The following PLXNB1 variants were observed in gnomAD, a reference collection of about 807,000 sequenced individuals.
The protein encoded by PLXNB1 is plexin B1.
In PLXNB1, 106 loss-of-function variants were observed where a neutral mutation model predicts 209.4. The observed-to-expected ratio is 0.51, with a 90% CI of 0.43 to 0.59. PLXNB1 has a LOEUF of 0.59. Among genes scored for constraint, PLXNB1 ranks in the 20% least tolerant of loss-of-function variants. The pLI is 0.00. For missense variants in PLXNB1, 2,357 were observed against 2,853.2 expected, an observed-to-expected ratio of 0.83 and a Z score of 3.96; for synonymous variants, 1,167 against 1,183.2, an observed-to-expected ratio of 0.99 and a Z score of 0.28.
chr3:48,427,208 T>C (rs1176288328), intron 1 of PLXNB1, among the ~76,000 whole-genome samples: 1 of 150,624 alleles, frequency 6.6e-6, no homozygotes, highest in African/African-American at 2.4e-5. Flanking sequence ...AAAAAAACAC[T>C]GGATGAGGAG....
rs779341593 is a variant in PLXNB1, at chr3:48,410,271, G to A, written c.5605+25C>T. The A allele has an allele frequency of 1.6e-5, 25 of 1,569,554 alleles. No individual in the cohort carries two copies. In the African/African-American group the frequency reaches 2.0e-4, roughly 13 times the overall value. ...CCGGGCTGGGCACAGCAGGGGCAGA[G>A]GACCGTGATGGGAGCGGTACTCACG... On this transcript the variant is annotated intron_variant, in intron 31 of 37. Coordinates refer to ENST00000296440, the MANE Select transcript of PLXNB1 (RefSeq NM_001130082.3). The surrounding 1 kb of genome is among the most constrained non-coding windows in gnomAD (Gnocchi z 6.4).
intron 34 of PLXNB1, among the ~76,000 whole-genome samples, chr3:48,407,541 C>A (rs1325563874): frequency 6.6e-6 from 1 of 152,216 alleles, no homozygotes; most frequent in Non-Finnish European, 1.5e-5. Context: ...CACTTTAACA[C>A]ACCTAGACAC....
intron 1 of PLXNB1, among the ~76,000 whole-genome samples, chr3:48,427,101 G>A (rs1220874150): frequency 6.6e-6 from 1 of 152,126 alleles, no homozygotes; most frequent in African/African-American, 2.4e-5. Context: ...GCCCTCAAGG[G>A]GCAGTAACAA....
In PLXNB1 at chr3:48,422,404, T is replaced by C. The variant is rs749283076; in HGVS notation, c.1346A>G (p.Gln449Arg). 1 of 1,604,678 alleles carries C rather than the reference T, an allele frequency of 6.2e-7. No homozygotes were observed. Among genetic ancestry groups the C allele is most frequent in the South Asian group, 1.1e-5 (1 of 89,334 alleles). ...GAGGTCTCTGCTCACTGCAGACCCC[T>C]GCTGGATGCTCTGTGTGGAGTATGG... ...GHPYSTQSIQ[Q>R]GSAVSRDLTF... Residue 449 changes from glutamine to arginine, a missense_variant, in exon 5 of 38, where the codon CAG becomes CGG. By Grantham distance (43) the Gln-to-Arg change is conservative. This residue lies in a region of PLXNB1 where 404 missense variants were observed against 443.6 expected (regional missense o/e 0.91). Coordinates refer to ENST00000296440, the MANE Select transcript of PLXNB1 (RefSeq NM_001130082.3).
chr3:48,420,856 T>G lies in PLXNB1; in HGVS notation c.1911A>C (p.Pro637=). 6.2e-7 allele frequency: 1 copy of G among 1,613,680 alleles called. No homozygotes were observed. Among genetic ancestry groups the G allele is most frequent in the Non-Finnish European group, 8.5e-7 (1 of 1,179,604 alleles). Residue 637 remains proline (P), a synonymous_variant, in exon 9 of 38, where the codon CCA becomes CCC. Transcript: ENST00000296440. ...YDCVAVTELR[P]SAQCQACVSS... is the part of the protein sequence containing the mutation. ...CAGGGCGAGGAACTCACTGCGCAGA[T>G]GGGCGGAGTTCAGTGACCGCCACAC...
intron 1 of PLXNB1, among the ~76,000 whole-genome samples, chr3:48,427,292 C>T (rs1207669784): frequency 5.9e-5 from 9 of 152,144 alleles, no homozygotes; most frequent in Admixed American, 5.9e-4. Context: ...CTGACCCACT[C>T]CAGGGAAAGT....
At chr3:48,421,634 G>C (rs369252709) in intron 7 of PLXNB1, 40 bp downstream of exon 7, 2 of 1,563,798 alleles carry the variant, frequency 1.3e-6, no homozygotes, top group Non-Finnish European at 1.7e-6. Context: ...TTGATGCCCA[G>C]AGCCCTCCCC....
rs2106813259 is a variant in PLXNB1 at position 48,413,400 on chromosome 3, A to G, written c.4536-231T>C. On this transcript the variant is annotated intron_variant, in intron 23 of 37. Transcript: ENST00000296440. This position sits in a 1 kb window ranked among gnomAD's most constrained non-coding sequence, Gnocchi z 5.4. The stretch of plus-strand genomic sequence containing the variant: ...TTAGCCTAGAGATCAGCCAACCACA[A>G]CCAGGCCAAATCCATCCCACAACCT... 1 of 603,720 alleles carries G rather than the reference A, an allele frequency of 1.7e-6. No homozygotes were observed. Among genetic ancestry groups the G allele is most frequent in the East Asian group, 2.8e-5 (1 of 36,116 alleles). 37.4% of individuals were successfully genotyped at this position (603,720 alleles called of 1,614,324 possible).
rs754565865 is a variant in PLXNB1 at position 48,415,685 on chromosome 3, G to A, written c.3692C>T (p.Ala1231Val). 3.1e-5 allele frequency: 48 copies of A among 1,558,546 alleles called. No individual in the cohort carries two copies. The highest frequency in any genetic ancestry group is 1.1e-4 in the South Asian group (9 of 84,568). ...PRPTPATLPV[A>V]VWFGATERRL... ...CCGCTCCGTGGCCCCAAACCACACAGCCACAGGGAGCGTGGCAGGCGTGGG... is the reference window on the plus strand; with the variant it reads ...CCGCTCCGTGGCCCCAAACCACACAACCACAGGGAGCGTGGCAGGCGTGGG... The change falls in exon 19 of 38, where the codon GCT becomes GTT. Residue 1231 changes from alanine (A) to valine (V), a missense_variant. Physicochemically the swap from Ala to Val is moderately conservative, Grantham distance 64. This residue lies in a region of PLXNB1 where 743 missense variants were observed against 896.2 expected (regional missense o/e 0.83). Coordinates refer to ENST00000296440, the MANE Select transcript of PLXNB1 (RefSeq NM_001130082.3). This position sits in a 1 kb window ranked among gnomAD's most constrained non-coding sequence, Gnocchi z 5.0.
At position 48,404,414 on chromosome 3, in the gene PLXNB1, T is replaced by C. The variant is rs1350293522; in HGVS notation, c.*72A>G. On this transcript the variant is annotated 3_prime_UTR_variant, in exon 38 of 38. Transcript: ENST00000296440. Reference sequence around the variant, plus strand: ...CAGTCACTACAGGCACCTAAGAAGGTGGCCTCTCCTCCGAGCTTCCAGGGC... The same window carrying C: ...CAGTCACTACAGGCACCTAAGAAGGCGGCCTCTCCTCCGAGCTTCCAGGGC... 1.1e-6 allele frequency: 1 copy of C among 892,424 alleles called. No individual in the cohort carries two copies. 55.3% of individuals were successfully genotyped at this position (892,424 alleles called of 1,614,324 possible). A position where few individuals can be genotyped will look rare whatever the true frequency, so the allele number is the denominator to read the frequency against.
rs1231684686 is a variant in PLXNB1 at position 48,415,801 on chromosome 3, G to C, written c.3618-42C>G. On this transcript the variant is annotated intron_variant, in intron 18 of 37. Transcript: ENST00000296440. This position sits in a 1 kb window ranked among gnomAD's most constrained non-coding sequence, Gnocchi z 5.0. ...GAATGAATGCAGGGGCGCAGGCAGG[G>C]AAAACTTGGACCACTCAGGCCCCAA... 1 of 1,516,424 alleles carries C rather than the reference G, an allele frequency of 6.6e-7. No individual in the cohort carries two copies. The highest frequency in any genetic ancestry group is 2.5e-5 in the East Asian group (1 of 40,374). 93.9% of individuals were successfully genotyped at this position (1,516,424 alleles called of 1,614,324 possible).
chr3:48,404,486 C>G lies in PLXNB1; in HGVS notation c.6408G>C (p.Ter2136TyrextTer27). 1.2e-6 allele frequency: 2 copies of G among 1,607,476 alleles called. No individual in the cohort carries two copies. The highest frequency in any genetic ancestry group is 1.7e-6 in the Non-Finnish European group (2 of 1,174,364). Residue 2136 changes from the stop codon to tyrosine (Y), a stop_lost, in exon 38 of 38, where the codon TAG (stop) becomes TAC (tyrosine). Coordinates refer to ENST00000296440, the MANE Select transcript of PLXNB1 (RefSeq NM_001130082.3). ...AAVENKVTDL[*>Y] ...ACAGCAGGCCGTGGCTCCTGGGTTC[C>G]TATAGATCTGTGACCTTGTTTTCCA...
chr3:48,419,991 T>C lies in PLXNB1; in HGVS notation c.2295A>G (p.Gln765=), dbSNP rs2038392183. 6.3e-7 allele frequency: 1 copy of C among 1,596,206 alleles called. No individual in the cohort carries two copies. The highest frequency in any genetic ancestry group is 1.3e-5 in the African/African-American group (1 of 74,224). ...CAGGGACAGCGGTTCCAGGTCCATT[T>C]TGGGGGCTGGGAGGGGAGGGCTCCT... ...LHEEPSPPSP[Q]NGPGTAVPAP... is the part of the protein sequence containing the mutation. The change falls in exon 11 of 38, where the codon CAA becomes CAG. Residue 765 remains glutamine, a synonymous_variant. Coordinates refer to ENST00000296440, the MANE Select transcript of PLXNB1 (RefSeq NM_001130082.3). This position sits in a 1 kb window ranked among gnomAD's most constrained non-coding sequence, Gnocchi z 5.7.
chr3:48,424,062 T>C lies in PLXNB1; in HGVS notation c.550A>G (p.Ile184Val). 6.3e-7 allele frequency: 1 copy of C among 1,584,046 alleles called. No individual in the cohort carries two copies. The highest frequency in any genetic ancestry group is 1.1e-5 in the South Asian group (1 of 88,324). The change falls in exon 3 of 38, where the codon ATC becomes GTC. Residue 184 changes from isoleucine (I) to valine (V), a missense_variant. Physicochemically the swap from Ile to Val is conservative, Grantham distance 29 (BLOSUM62 3). Transcript: ENST00000296440. ...GGCGGCCACAGGGCCCGGGTTGTGA[T>C]GGGTGGAATGCCACCCCCCACACCC... ...SRGVGGGIPP[I>V]TTRALWPPDP...
chr3:48,423,345 T>G (rs910922226), intron 3 of PLXNB1, among the ~76,000 whole-genome samples, 160 bp downstream of exon 3: 2 of 152,160 alleles, frequency 1.3e-5, no homozygotes, highest in Non-Finnish European at 2.9e-5. Flanking sequence ...AAGGTACCCT[T>G]CCACTGCCCA....
chr3:48,429,729 GC>G lies in PLXNB1; in HGVS notation c.-60+278del, dbSNP rs1394053985. On this transcript the variant is annotated intron_variant, in intron 1 of 37. Transcript: ENST00000296440. This position sits in a 1 kb window ranked among gnomAD's most constrained non-coding sequence, Gnocchi z 6.4. Reference sequence around the variant, plus strand: ...TGAGGAGTGAACCCCGGGAGCCAGAGCCGCCCCGCCCCGTCGGCCTCACCTG... The same window carrying G: ...TGAGGAGTGAACCCCGGGAGCCAGAGCGCCCCGCCCCGTCGGCCTCACCTG... Among the ~76,000 whole-genome samples the G allele has an allele frequency of 2.0e-5, 3 of 152,196 alleles. No individual in the cohort carries two copies. The highest frequency in any genetic ancestry group is 4.8e-5 in the African/African-American group (2 of 41,532).
chr3:48,411,796 C>T lies in PLXNB1; in HGVS notation c.5247+67G>A. On this transcript the variant is annotated intron_variant, in intron 28 of 37. Coordinates refer to ENST00000296440, the MANE Select transcript of PLXNB1 (RefSeq NM_001130082.3). The surrounding 1 kb of genome is among the most constrained non-coding windows in gnomAD (Gnocchi z 4.0). ...GAAGCTGGTGTCCAGACCCCACACA[C>T]CCACACACTCTCCACCCTCGCCCTC... 3 of 1,560,852 alleles carry T rather than the reference C, an allele frequency of 1.9e-6. 1 individual carries two copies. Among genetic ancestry groups the T allele is most frequent in the South Asian group, 2.4e-5 (2 of 83,416 alleles).
chr3:48,411,011 C>G lies in PLXNB1; in HGVS notation c.5273G>C (p.Gly1758Ala), dbSNP rs201356451. 6.2e-7 allele frequency: 1 copy of G among 1,613,642 alleles called. No homozygotes were observed. Among genetic ancestry groups the G allele is most frequent in the Non-Finnish European group, 8.5e-7 (1 of 1,179,910 alleles). ...GCCCTGGGCCTCTCCTGCCCCAGGC[C>G]CCACAGCCAATAGTGCATTCAAGGT... Reference protein sequence around the residue: ...PLTLNALLAVGPGAGEAQGVP... With the variant: ...PLTLNALLAVAPGAGEAQGVP... The change falls in exon 29 of 38, where the codon GGG (glycine) becomes GCG (alanine). Residue 1758 changes from glycine (G) to alanine (A), a missense_variant. Physicochemically the swap from Gly to Ala is moderately conservative, Grantham distance 60 (BLOSUM62 0). Around this residue, in one of 7 missense-constraint regions of PLXNB1, gnomAD observed 414 missense variants for 520.5 expected, o/e 0.80. Coordinates refer to ENST00000296440, the MANE Select transcript of PLXNB1 (RefSeq NM_001130082.3). This position sits in a 1 kb window ranked among gnomAD's most constrained non-coding sequence, Gnocchi z 4.0.
intron 24 of PLXNB1, 23 bp from the exon 25 acceptor site, chr3:48,412,982 T>G (rs772969206): frequency 1.1e-5 from 18 of 1,612,412 alleles, no homozygotes; most frequent in Non-Finnish European, 1.5e-5. Context: ...AGAGGCCAGG[T>G]TAAGCACCTG....
Sources: gnomAD v4.1 joint callset for allele counts (sites outside exome capture counted in the v4.1 genomes callset) on GRCh38, gnomAD v4.1.1 for gene constraint, gnomAD v4.1.1 regional missense constraint, Gnocchi (gnomAD v3.1) non-coding constraint, MANE v1.5 for transcripts, NCBI Gene and HGNC (gene_info 2026-07-23, HGNC 2026-07-21) for gene names.